Variants in NFIB observed in about 807,000 individuals in gnomAD.
NFIB encodes the protein nuclear factor 1 B-type.
Under a neutral mutation model 61.5 loss-of-function variants are expected in NFIB, and 11 were observed. The observed-to-expected ratio is 0.18, with a 90% CI of 0.11 to 0.30. The LOEUF (loss-of-function observed/expected upper bound fraction) is 0.30, where lower values mean the gene tolerates loss of function less well. NFIB is among the 10% of genes least tolerant of loss of function. The pLI is 1.00. For synonymous variants in NFIB, 260 were observed against 216.5 expected, an observed-to-expected ratio of 1.20 and a Z score of -1.76; for missense variants, 471 against 608.9, an observed-to-expected ratio of 0.77 and a Z score of 2.38.
At chr9:14,165,073 T>G (rs958260378) in intron 3 of NFIB, among the ~76,000 whole-genome samples, 5 of 152,164 alleles carry the variant, frequency 3.3e-5, no homozygotes, top group Admixed American at 3.3e-4. Flanking sequence ...AGGTGATTCA[T>G]AAGTGTACTT....
At chr9:14,471,498 A>T in the NFIB span, among the ~76,000 whole-genome samples, 1 of 152,262 alleles carries the variant, frequency 6.6e-6, no homozygotes, top group Non-Finnish European at 1.5e-5. Context: ...CGTGGAAAAG[A>T]AAGACTACAT....
chr9:14,436,833 A>C, the NFIB span, among the ~76,000 whole-genome samples: 1 of 152,218 alleles, frequency 6.6e-6, no homozygotes, highest in Non-Finnish European at 1.5e-5. Context: ...GATTCAGTGG[A>C]GAAGAAAACA....
intron 1 of NFIB, among the ~76,000 whole-genome samples, chr9:14,338,552 C>G (rs1221720407): frequency 6.6e-6 from 1 of 152,136 alleles, no homozygotes; most frequent in Non-Finnish European, 1.5e-5. Flanking sequence ...TTTATTTTAT[C>G]TACAGAAGTG....
chr9:14,398,169 C>G (rs968696332), intron 1 of NFIB, among the ~76,000 whole-genome samples: 1 of 152,088 alleles, frequency 6.6e-6, no homozygotes, highest in Admixed American at 6.6e-5. Flanking sequence ...ATCTTCATTT[C>G]GTGGATTATT....
At chr9:14,156,317 G>A (rs939146569) in intron 3 of NFIB, among the ~76,000 whole-genome samples, 7 of 152,146 alleles carry the variant, frequency 4.6e-5, no homozygotes, top group African/African-American at 1.4e-4. Context: ...TAAAGCCACC[G>A]TTCTTTTGTA....
Position 14,099,741 on chromosome 9 carries a change from T to C in NFIB, c.1468-11415A>G, listed in dbSNP as rs530380794. On this transcript the variant is annotated intron_variant, in intron 10 of 10. Coordinates refer to ENST00000380953, the MANE Select transcript of NFIB (RefSeq NM_001190737.2). Reference sequence around the variant, plus strand: ...AAATGTGATGGCTGCCATTATCAATTATGTGCTTTCTGAATCAGGATAGAA... The same window carrying C: ...AAATGTGATGGCTGCCATTATCAATCATGTGCTTTCTGAATCAGGATAGAA... 5.4e-4 allele frequency among the ~76,000 whole-genome samples: 83 copies of C among 152,294 alleles called. 1 individual carries two copies. Among genetic ancestry groups the C allele is most frequent in the Non-Finnish European group, 1.1e-3 (76 of 68,030 alleles).
At chr9:14,464,533 T>C in the NFIB span, among the ~76,000 whole-genome samples, 3 of 151,874 alleles carry the variant, frequency 2.0e-5, no homozygotes, top group Non-Finnish European at 2.9e-5. Flanking sequence ...AGGGAGGGTG[T>C]TTCTCATGAG....
chr9:14,456,035 T>G, the NFIB span, among the ~76,000 whole-genome samples: 1 of 152,162 alleles, frequency 6.6e-6, no homozygotes, highest in Non-Finnish European at 1.5e-5. Flanking sequence ...AAAAACAAGT[T>G]GGACCTGACC....
chr9:14,453,254 A>G, the NFIB span, among the ~76,000 whole-genome samples: 1 of 152,234 alleles, frequency 6.6e-6, no homozygotes, highest in African/African-American at 2.4e-5. Context: ...TATAACAAAC[A>G]TTGGCAGGTT....
intron 1 of NFIB, among the ~76,000 whole-genome samples, chr9:14,373,327 T>C (rs1186357806): frequency 2.6e-5 from 4 of 152,246 alleles, no homozygotes; most frequent in Non-Finnish European, 4.4e-5. Context: ...AATCCTCTTA[T>C]ATGCAGATGG....
chr9:14,084,315 A>G lies in NFIB; in HGVS notation c.*3994T>C, dbSNP rs1358976567. 9.5e-6 allele frequency: 2 copies of G among 210,814 alleles called. No homozygotes were observed. The highest frequency in any genetic ancestry group is 1.9e-5 in the Non-Finnish European group (2 of 103,716). The allele number at this position is 210,814 out of a possible 1,614,324, so 13.1% of individuals were successfully genotyped here. A position where few individuals can be genotyped will look rare whatever the true frequency, so the allele number is the denominator to read the frequency against. ...TTTAATTTAAAAAAAATTCTTAACA[A>G]AACTATACAGTGTACAAATTACTGT... is the stretch of plus-strand genomic sequence containing the variant. On this transcript the variant is annotated 3_prime_UTR_variant, in exon 11 of 11. Coordinates refer to ENST00000380953, the MANE Select transcript of NFIB (RefSeq NM_001190737.2).
intron 10 of NFIB, among the ~76,000 whole-genome samples, chr9:14,101,912 T>C (rs1428048479): frequency 6.6e-6 from 1 of 152,206 alleles, no homozygotes; most frequent in Non-Finnish European, 1.5e-5. Context: ...CTCCAAAATT[T>C]ATGGGTGCTG....
At chr9:14,469,644 G>C in the NFIB span, among the ~76,000 whole-genome samples, 2 of 152,126 alleles carry the variant, frequency 1.3e-5, no homozygotes, top group Non-Finnish European at 2.9e-5. Flanking sequence ...TAACTAGCTA[G>C]GTTTCCATTT....
intron 2 of NFIB, among the ~76,000 whole-genome samples, chr9:14,244,881 A>G (rs190306980): frequency 6.6e-6 from 1 of 152,334 alleles, no homozygotes; most frequent in Admixed American, 6.5e-5. Context: ...ACATCAGCCT[A>G]GATTAGTGCA....
At chr9:14,205,657 G>A (rs1347255529) in intron 2 of NFIB, among the ~76,000 whole-genome samples, 1 of 152,068 alleles carries the variant, frequency 6.6e-6, no homozygotes, top group Non-Finnish European at 1.5e-5. Context: ...GGTAATCTAA[G>A]CTTCAACTGA....
the NFIB span, among the ~76,000 whole-genome samples, chr9:14,493,583 T>C: frequency 1.3e-5 from 2 of 152,204 alleles, no homozygotes; most frequent in African/African-American, 2.4e-5. Context: ...GATGTCATAA[T>C]TGCTTCATCT....
At chr9:14,314,967 G>C (rs1440596308), upstream of NFIB, among the ~76,000 whole-genome samples, 3 of 151,924 alleles carry the variant, frequency 2.0e-5, no homozygotes, top group Admixed American at 2.0e-4. Context: ...GCCCGAGAAA[G>C]GAACGAGTGG....
At chr9:14,176,691 C>A (rs1203192685) in intron 3 of NFIB, among the ~76,000 whole-genome samples, 1 of 152,056 alleles carries the variant, frequency 6.6e-6, no homozygotes, top group Admixed American at 6.6e-5. Flanking sequence ...CTGTAGATGT[C>A]CATACTATAG....
intron 1 of NFIB, among the ~76,000 whole-genome samples, chr9:14,384,792 G>T (rs2061530401): frequency 6.6e-6 from 1 of 151,752 alleles, no homozygotes; most frequent in African/African-American, 2.4e-5. Flanking sequence ...CGTTTTGTCT[G>T]ATCAGTAGCT....
Sources: gnomAD v4.1 joint callset for allele counts (sites outside exome capture counted in the v4.1 genomes callset) on GRCh38, gnomAD v4.1.1 for gene constraint, MANE v1.5 for transcripts, NCBI Gene and HGNC (gene_info 2026-07-23, HGNC 2026-07-21) for gene names.